Variants in RANBP2 observed in about 807,000 individuals in gnomAD.
The protein encoded by RANBP2 is RAN binding protein 2, also known as E3 SUMO-protein ligase RanBP2.
Under a neutral mutation model 303.6 loss-of-function variants are expected in RANBP2, and 57 were observed. The observed-to-expected ratio is 0.19, with a 90% CI of 0.15 to 0.23. RANBP2 has a LOEUF of 0.23. Ranked by LOEUF, RANBP2 falls within the 10% of genes least tolerant of loss-of-function variation. RANBP2 has a pLI of 1.00. For synonymous variants in RANBP2, 1,167 were observed against 1,301.5 expected, an observed-to-expected ratio of 0.90 and a Z score of 2.23; for missense variants, 3,138 against 3,780.8, an observed-to-expected ratio of 0.83 and a Z score of 4.46.
the RANBP2 span, among the ~76,000 whole-genome samples, chr2:109,425,105 G>A: frequency 1.7e-4 from 26 of 152,348 alleles, no homozygotes; most frequent in South Asian, 5.4e-3. Flanking sequence ...CTGGATAGAA[G>A]ATCAAACCAA....
the RANBP2 span, among the ~76,000 whole-genome samples, chr2:109,243,336 A>G: frequency 6.6e-6 from 1 of 152,224 alleles, no homozygotes; most frequent in Non-Finnish European, 1.5e-5. Flanking sequence ...CTGAGATTCC[A>G]TGTGCTTAGT....
the RANBP2 span, among the ~76,000 whole-genome samples, chr2:108,950,040 G>A: frequency 7.9e-5 from 12 of 152,182 alleles, no homozygotes; most frequent in East Asian, 1.9e-4. Context: ...CACTGAGTGC[G>A]GCCTGGGCAT....
the RANBP2 span, among the ~76,000 whole-genome samples, chr2:109,004,105 T>A: frequency 6.6e-6 from 1 of 152,244 alleles, no homozygotes; most frequent in Non-Finnish European, 1.5e-5. Context: ...CATGTGCATA[T>A]TTTTGTAAAA....
chr2:108,741,448 G>A (rs1696080830), intron 7 of RANBP2, among the ~76,000 whole-genome samples: 2 of 146,716 alleles, frequency 1.4e-5, no homozygotes, highest in Admixed American at 6.8e-5. Flanking sequence ...TGCCTGCCTT[G>A]GTCTCCCAAA....
chr2:108,975,247 C>T, the RANBP2 span, among the ~76,000 whole-genome samples: 4 of 152,190 alleles, frequency 2.6e-5, no homozygotes, highest in Non-Finnish European at 4.4e-5. Flanking sequence ...ATAGCAGCTG[C>T]GGCCTCAGGC....
At chr2:109,291,514 C>T in the RANBP2 span, among the ~76,000 whole-genome samples, 2 of 152,148 alleles carry the variant, frequency 1.3e-5, no homozygotes, top group South Asian at 2.1e-4. Context: ...TGCGGAGGAG[C>T]GCTTGTGAGA....
the RANBP2 span, among the ~76,000 whole-genome samples, chr2:108,808,300 A>G: frequency 6.6e-6 from 1 of 152,212 alleles, no homozygotes; most frequent in Non-Finnish European, 1.5e-5. Context: ...TGGCTATTGC[A>G]AATACTGCTG....
At chr2:108,912,744 C>T in the RANBP2 span, 161 of 1,599,776 alleles carry the variant, frequency 1.0e-4, 1 homozygote, top group Middle Eastern at 4.1e-3. Context: ...TTGGCAGAAG[C>T]TCCTGAAGTG....
In RANBP2 at chr2:108,771,782, A is replaced by G; in HGVS notation, c.7931A>G (p.Gln2644Arg). Reference protein sequence around the residue: ...IVYELTPTAEQKALATKLKLP... With the variant: ...IVYELTPTAERKALATKLKLP... ...TATGAACTAACTCCAACCGCTGAGCAGAAAGCCCTTGCAACCAAACTTAAA... is the reference window on the plus strand; with the variant it reads ...TATGAACTAACTCCAACCGCTGAGCGGAAAGCCCTTGCAACCAAACTTAAA... Residue 2644 changes from glutamine (Q) to arginine (R), a missense_variant, in exon 21 of 29, where the codon CAG becomes CGG. Gln to Arg is a conservative substitution (Grantham distance 43, BLOSUM62 1). This residue lies in a region of RANBP2 where 497 missense variants were observed against 465.8 expected (regional missense o/e 1.07). Coordinates refer to ENST00000283195, the MANE Select transcript of RANBP2 (RefSeq NM_006267.5). 6.2e-7 allele frequency: 1 copy of G among 1,614,080 alleles called. No homozygotes were observed. The highest frequency in any genetic ancestry group is 8.5e-7 in the Non-Finnish European group (1 of 1,179,960).
chr2:109,103,214 A>G, the RANBP2 span, among the ~76,000 whole-genome samples: 1 of 152,310 alleles, frequency 6.6e-6, no homozygotes, highest in African/African-American at 2.4e-5. Context: ...CTAACGTTAT[A>G]ACTACCGTGA....
At chr2:108,938,034 T>G in the RANBP2 span, among the ~76,000 whole-genome samples, 2 of 147,866 alleles carry the variant, frequency 1.4e-5, no homozygotes, top group African/African-American at 5.1e-5. Context: ...ACTTATTTAC[T>G]TCTAGATTTT....
At chr2:109,394,647 T>C in the RANBP2 span, among the ~76,000 whole-genome samples, 1 of 152,220 alleles carries the variant, frequency 6.6e-6, no homozygotes, top group African/African-American at 2.4e-5. Flanking sequence ...ATTGGGTGCA[T>C]TGGTTATGTG....
the RANBP2 span, among the ~76,000 whole-genome samples, chr2:109,088,338 A>G: frequency 6.9e-6 from 1 of 145,412 alleles, no homozygotes; most frequent in African/African-American, 2.5e-5. Context: ...CGGAGACCGC[A>G]GTGAGCCGAG....
chr2:108,974,145 T>C, the RANBP2 span, among the ~76,000 whole-genome samples: 3 of 151,130 alleles, frequency 2.0e-5, no homozygotes, highest in South Asian at 2.1e-4. Flanking sequence ...CTGGCTAACA[T>C]GGTGAAACCC....
chr2:109,613,168 T>C, the RANBP2 span: 45 of 1,288,790 alleles, frequency 3.5e-5, no homozygotes, highest in African/African-American at 2.1e-4. Flanking sequence ...ACGAAAATAG[T>C]TGTAACCACA....
chr2:108,852,631 C>G, the RANBP2 span, among the ~76,000 whole-genome samples: 1 of 152,172 alleles, frequency 6.6e-6, no homozygotes, highest in Non-Finnish European at 1.5e-5. Flanking sequence ...GGCCGTTATC[C>G]TTAACAGACT....
At chr2:109,164,960 T>C in the RANBP2 span, among the ~76,000 whole-genome samples, 39 of 152,168 alleles carry the variant, frequency 2.6e-4, no homozygotes, top group Non-Finnish European at 5.4e-4. Context: ...AGGTCGTAAT[T>C]GTTTTTCTTT....
the RANBP2 span, among the ~76,000 whole-genome samples, chr2:108,806,417 T>C: frequency 3.9e-5 from 6 of 152,230 alleles, no homozygotes; most frequent in African/African-American, 1.4e-4. Context: ...TTGGACCTAT[T>C]GATAATTGGA....
chr2:109,450,276 G>A, the RANBP2 span, among the ~76,000 whole-genome samples: 1 of 152,120 alleles, frequency 6.6e-6, no homozygotes, highest in East Asian at 1.9e-4. Flanking sequence ...AAACCGGGGG[G>A]CAGAGCCTGC....
Sources: gnomAD v4.1 joint callset for allele counts (sites outside exome capture counted in the v4.1 genomes callset) on GRCh38, gnomAD v4.1.1 for gene constraint, gnomAD v4.1.1 regional missense constraint, MANE v1.5 for transcripts, NCBI Gene and HGNC (gene_info 2026-07-23, HGNC 2026-07-21) for gene names.